Variants in USP15 observed in about 807,000 individuals in gnomAD.
USP15 encodes the protein ubiquitin carboxyl-terminal hydrolase 15.
Under a neutral mutation model 127.1 loss-of-function variants are expected in USP15, and 18 were observed. The ratio of observed to expected loss-of-function variants is 0.14; its 90% confidence interval spans 0.10 to 0.21. The LOEUF (loss-of-function observed/expected upper bound fraction) is 0.21. Ranked by LOEUF, USP15 falls within the 10% of genes least tolerant of loss-of-function variation. USP15 has a pLI of 1.00. For synonymous variants in USP15, 364 were observed against 393.7 expected, an observed-to-expected ratio of 0.92 and a Z score of 0.89; for missense variants, 805 against 1,159.9, an observed-to-expected ratio of 0.69 and a Z score of 4.44.
At chr12:62,348,745 T>A (rs1163728279) in intron 6 of USP15, among the ~76,000 whole-genome samples, 1 of 152,188 alleles carries the variant, frequency 6.6e-6, no homozygotes, top group Admixed American at 6.5e-5. Flanking sequence ...ATATTGGGAT[T>A]ATGCTTGGAA....
At chr12:62,299,839 C>T (rs2137181148) in intron 2 of USP15, among the ~76,000 whole-genome samples, 1 of 152,258 alleles carries the variant, frequency 6.6e-6, no homozygotes, top group East Asian at 1.9e-4. Context: ...TCTTGTCTGT[C>T]CTTTTTATTA....
chr12:62,345,376 T>C (rs2065783995), intron 6 of USP15, among the ~76,000 whole-genome samples: 1 of 152,206 alleles, frequency 6.6e-6, no homozygotes, highest in Non-Finnish European at 1.5e-5. Context: ...CATCTGAGAC[T>C]ACCTCAGCCT....
At chr12:62,391,736 G>A in intron 16 of USP15, 80 bp from the exon 17 acceptor site, 1 of 1,221,546 alleles carries the variant, frequency 8.2e-7, no homozygotes, top group Non-Finnish European at 1.1e-6. Context: ...TGTTTATTCT[G>A]GTGTATATCC....
At chr12:62,304,712 A>G (rs1258713828) in intron 3 of USP15, 7 of 454,946 alleles carry the variant, frequency 1.5e-5, no homozygotes, top group African/African-American at 1.0e-4. Context: ...AAGCAAGGAT[A>G]TAAGCAGAAA....
chr12:62,404,345 A>G lies in USP15; in HGVS notation c.2916A>G (p.Ile972Met). Reference protein sequence around the residue: ...DEDSNDNDNDIENENCMHTN With the variant: ...DEDSNDNDNDMENENCMHTN ...ATAGCAATGATAATGACAATGATAT[A>G]GAAAATGAAAACTGTATGCACACTA... Residue 972 changes from isoleucine to methionine, a missense_variant, in exon 22 of 22, where the codon ATA becomes ATG. Physicochemically the swap from Ile to Met is conservative, Grantham distance 10. Transcript: ENST00000280377. 1.2e-6 allele frequency: 2 copies of G among 1,611,540 alleles called. No homozygotes were observed. Among genetic ancestry groups the G allele is most frequent in the Non-Finnish European group, 1.7e-6 (2 of 1,178,512 alleles).
chr12:62,336,015 T>C, intron 6 of USP15: 1 of 984,424 alleles, frequency 1.0e-6, no homozygotes. Context: ...ATCATTCATA[T>C]CATATGTAGT....
chr12:62,303,129 T>C, intron 3 of USP15: 1 of 451,288 alleles, frequency 2.2e-6, no homozygotes, highest in Non-Finnish European at 4.0e-6. Context: ...TATTGATTAA[T>C]CCTCTATATA....
rs952565321 is a variant in USP15 at position 62,413,842 on chromosome 12, G to T, written c.*9467G>T. On this transcript the variant is annotated 3_prime_UTR_variant, in exon 22 of 22. Coordinates refer to ENST00000280377, the MANE Select transcript of USP15 (RefSeq NM_001252078.2). The stretch of plus-strand genomic sequence containing the variant: ...ACAACTTGGCTGTTTGGCTCAAGAG[G>T]CCTAGCTTTCAGCTTGCCTTGGCTT... 6.6e-6 allele frequency: 1 copy of T among 152,210 alleles called. No individual in the cohort carries two copies. The highest frequency in any genetic ancestry group is 1.5e-5 in the Non-Finnish European group (1 of 68,050). The allele number at this position is 152,210 out of a possible 1,614,324, so 9.4% of individuals were successfully genotyped here.
intron 1 of USP15, among the ~76,000 whole-genome samples, chr12:62,286,382 G>A (rs2063785975): frequency 6.6e-6 from 1 of 152,156 alleles, no homozygotes; most frequent in Non-Finnish European, 1.5e-5. Context: ...ACAGATTTTA[G>A]CAAGATTGCA....
intron 6 of USP15, among the ~76,000 whole-genome samples, chr12:62,332,409 TC>T (rs1012677951): frequency 6.6e-6 from 1 of 152,110 alleles, no homozygotes; most frequent in Non-Finnish European, 1.5e-5. Context: ...AAATTTCATT[TC>T]TTTTTTTTTA....
intron 11 of USP15, among the ~76,000 whole-genome samples, chr12:62,385,378 A>G (rs1392451497): frequency 6.6e-6 from 1 of 151,926 alleles, no homozygotes; most frequent in Non-Finnish European, 1.5e-5. Flanking sequence ...TTATGATCTT[A>G]CCATTCAGGG....
At chr12:62,314,973 T>G in intron 4 of USP15, 57 bp downstream of exon 4, 1 of 1,421,998 alleles carries the variant, frequency 7.0e-7, no homozygotes. Context: ...TTAATTAGAA[T>G]TATCTTTGTA....
chr12:62,284,959 G>T (rs1447458699), intron 1 of USP15, among the ~76,000 whole-genome samples: 1 of 152,006 alleles, frequency 6.6e-6, no homozygotes, highest in East Asian at 1.9e-4. Flanking sequence ...AGTGTTAGCT[G>T]TATCACACTT....
intron 3 of USP15, among the ~76,000 whole-genome samples, chr12:62,314,427 C>T (rs951124267): frequency 2.0e-5 from 3 of 151,738 alleles, no homozygotes; most frequent in African/African-American, 4.8e-5. Flanking sequence ...AAACAGAGAA[C>T]GTACATATAT....
chr12:62,290,284 C>A (rs555331329), intron 1 of USP15, among the ~76,000 whole-genome samples: 2 of 152,166 alleles, frequency 1.3e-5, no homozygotes, highest in African/African-American at 4.8e-5. Flanking sequence ...TTTTATGAAT[C>A]TGGGTTTGGG....
chr12:62,369,001 A>C (rs974257899), intron 8 of USP15, among the ~76,000 whole-genome samples: 2 of 152,136 alleles, frequency 1.3e-5, no homozygotes, highest in African/African-American at 4.8e-5. Context: ...ACAAGCATTC[A>C]TTGAGTCTCT....
intron 1 of USP15, among the ~76,000 whole-genome samples, chr12:62,281,918 C>T (rs1247467444): frequency 6.6e-6 from 1 of 152,062 alleles, no homozygotes; most frequent in Non-Finnish European, 1.5e-5. Context: ...CTTTTAGTAC[C>T]GCAGTCCCTT....
At position 62,412,149 on chromosome 12, in the gene USP15, C is replaced by T. The variant is rs958336128; in HGVS notation, c.*7774C>T. On this transcript the variant is annotated 3_prime_UTR_variant, in exon 22 of 22. Coordinates refer to ENST00000280377, the MANE Select transcript of USP15 (RefSeq NM_001252078.2). ...CAGTGCATATAAAAGGCATATTTAC[C>T]CTATACTGTAGTCTATTAACTGCAA... 2 of 152,012 alleles carry T rather than the reference C, an allele frequency of 1.3e-5. No homozygotes were observed. Among genetic ancestry groups the T allele is most frequent in the African/African-American group, 4.8e-5 (2 of 41,380 alleles). 9.4% of individuals were successfully genotyped at this position (152,012 alleles called of 1,614,324 possible).
Position 62,282,380 on chromosome 12 carries a change from T to C in USP15, c.90-11799T>C, listed in dbSNP as rs143678507. Among the ~76,000 whole-genome samples, 38 of 152,186 alleles carry C rather than the reference T, an allele frequency of 2.5e-4. No homozygotes were observed. In the East Asian group the frequency reaches 7.2e-3, roughly 29 times the overall value. ...AACTTATAAATTAGCCACAGGAAGATTAACAGCAACAATTAATAATAAAAT... is the reference window on the plus strand; with the variant it reads ...AACTTATAAATTAGCCACAGGAAGACTAACAGCAACAATTAATAATAAAAT... On this transcript the variant is annotated intron_variant, in intron 1 of 21. Transcript: ENST00000280377.
Sources: allele counts gnomAD v4.1 joint callset (sites outside exome capture counted in the v4.1 genomes callset), GRCh38; gene constraint gnomAD v4.1.1; transcripts MANE v1.5; gene names NCBI Gene and HGNC (gene_info 2026-07-23, HGNC 2026-07-21).